Variants in IGSF10 observed in about 807,000 individuals in gnomAD.
IGSF10 encodes calvaria mechanical force protein 608.
A neutral mutation model predicts 128.2 loss-of-function variants in IGSF10; 126 were observed. The ratio of observed to expected loss-of-function variants is 0.98; its 90% CI spans 0.85 to 1.14. The LOEUF is 1.14. IGSF10 is among the 50% of genes most tolerant of loss of function. The pLI is 0.00. For missense variants in IGSF10, 3,295 were observed against 3,149.8 expected, an observed-to-expected ratio of 1.05 and a Z score of -1.10; for synonymous variants, 1,185 against 1,146.2, an observed-to-expected ratio of 1.03 and a Z score of -0.68.
rs41401648 is a variant in IGSF10, at chr3:151,437,595, G to A, written c.6966C>T (p.Ser2322=). Residue 2322 remains serine, a synonymous_variant, in exon 8 of 8, where the codon AGC becomes AGT. Transcript: ENST00000282466. ...GTACTTCTAACTGTACTACCAACAC[G>A]CTCTCTCCACCTTCATTTCGGGCCA... is the stretch of plus-strand genomic sequence containing the variant. ...ICVARNEGGE[S]VLVVQLEVLE... 7.0e-3 allele frequency: 11,356 copies of A among 1,613,992 alleles called. 437 individuals carry two copies. The African/African-American group carries it at 0.095, about 14-fold the overall frequency.
chr3:151,556,595 A>G, the IGSF10 span, among the ~76,000 whole-genome samples: 5 of 152,154 alleles, frequency 3.3e-5, no homozygotes, highest in South Asian at 2.1e-4. Context: ...GAAGAGAGAG[A>G]GAGAGAAAGG....
the IGSF10 span, among the ~76,000 whole-genome samples, chr3:151,525,935 C>T: frequency 2.8e-4 from 42 of 152,168 alleles, no homozygotes; most frequent in African/African-American, 9.2e-4. Context: ...AGTCAATTCT[C>T]ACCCACACTC....
the IGSF10 span, among the ~76,000 whole-genome samples, chr3:151,533,840 A>G: frequency 6.6e-6 from 1 of 152,242 alleles, no homozygotes; most frequent in East Asian, 1.9e-4. Flanking sequence ...TTCACAGCAA[A>G]AGAAGCTATC....
the IGSF10 span, among the ~76,000 whole-genome samples, chr3:151,567,218 G>T: frequency 6.6e-6 from 1 of 152,144 alleles, no homozygotes; most frequent in Non-Finnish European, 1.5e-5. Context: ...TGGTTCCCTG[G>T]ATCTCAGCTC....
the IGSF10 span, among the ~76,000 whole-genome samples, chr3:151,496,556 G>GTATATGTGCCACA: frequency 2.9e-5 from 1 of 34,938 alleles, no homozygotes; most frequent in South Asian, 9.6e-4. Context: ...GTATTCCATG[G>GTATATGTGCCACA]TTTCCTTAAT....
At chr3:151,458,445 G>T (rs1469653581) in intron 3 of IGSF10, 71 bp downstream of exon 3, 1 of 1,081,530 alleles carries the variant, frequency 9.2e-7, no homozygotes, top group African/African-American at 1.6e-5. Context: ...CAAAGTCATA[G>T]ATGTTTGAGG....
chr3:151,458,457 A>C, intron 3 of IGSF10, 59 bp downstream of exon 3: 2 of 1,257,968 alleles, frequency 1.6e-6, no homozygotes, highest in South Asian at 1.6e-5. Context: ...TGTTTGAGGG[A>C]CAAGTCACTG....
At chr3:151,435,924 T>A (rs1045159365), downstream of IGSF10, 1 of 152,096 alleles carries the variant, frequency 6.6e-6, no homozygotes, top group African/African-American at 2.4e-5. Flanking sequence ...CTCAGAAAAA[T>A]TTCCTTATAA....
At chr3:151,529,214 T>C in the IGSF10 span, among the ~76,000 whole-genome samples, 29 of 152,162 alleles carry the variant, frequency 1.9e-4, no homozygotes, top group African/African-American at 6.8e-4. Flanking sequence ...ATTCAGGGAC[T>C]TGTAGATAAA....
At position 151,453,378 on chromosome 3, in the gene IGSF10, A is replaced by C. The variant is rs1002170949; in HGVS notation, c.715+6T>G. The C allele has an allele frequency of 3.2e-6, 5 of 1,568,592 alleles. No homozygotes were observed. The highest frequency in any genetic ancestry group is 4.3e-6 in the Non-Finnish European group (5 of 1,164,012). ...ATTGGGACAAAAAAATAAACAATAT[A>C]GATACCTGGCTTCTCCTGTATCCAG... On this transcript the variant is annotated splice_donor_region_variant and intron_variant, in intron 5 of 7. Transcript: ENST00000282466.
At chr3:151,498,471 G>A in the IGSF10 span, among the ~76,000 whole-genome samples, 10 of 152,088 alleles carry the variant, frequency 6.6e-5, no homozygotes, top group Non-Finnish European at 1.0e-4. Context: ...CCATGATCAA[G>A]TGGGCTTCAT....
At chr3:151,579,491 C>A in the IGSF10 span, among the ~76,000 whole-genome samples, 1 of 151,404 alleles carries the variant, frequency 6.6e-6, no homozygotes, top group South Asian at 2.1e-4. Context: ...GGATTTTTGT[C>A]AGAGAAATGG....
chr3:151,593,726 T>G, the IGSF10 span, among the ~76,000 whole-genome samples: 1 of 152,114 alleles, frequency 6.6e-6, no homozygotes, highest in Admixed American at 6.5e-5. Context: ...GAAAAAGATT[T>G]TGAAATGTTG....
At chr3:151,573,795 T>G in the IGSF10 span, among the ~76,000 whole-genome samples, 1 of 152,184 alleles carries the variant, frequency 6.6e-6, no homozygotes, top group Admixed American at 6.5e-5. Context: ...TTATTTTGCC[T>G]GTTAGTTGAT....
the IGSF10 span, chr3:151,565,819 G>A: frequency 2.6e-5 from 4 of 151,996 alleles, no homozygotes; most frequent in Admixed American, 6.6e-5. Flanking sequence ...AGATAGATAC[G>A]AGAGTGATAG....
At chr3:151,486,080 T>C in the IGSF10 span, among the ~76,000 whole-genome samples, 20 of 152,246 alleles carry the variant, frequency 1.3e-4, 1 homozygote, top group Admixed American at 1.2e-3. Flanking sequence ...GACTCACACA[T>C]AGGCTCAAAC....
upstream of IGSF10, among the ~76,000 whole-genome samples, chr3:151,463,523 G>GTTTTTTTTTTTTGTTTTTTTTTTT (rs1553837067): frequency 2.2e-4 from 7 of 31,270 alleles, 3 homozygotes; most frequent in African/African-American, 4.9e-4. Context: ...ACATTTTCTG[G>GTTTTTTTTTTTTGTTTTTTTTTTT]TTTTTTTTTT....
Position 151,437,278 on chromosome 3 carries a change from A to G in IGSF10, c.7283T>C (p.Ile2428Thr), listed in dbSNP as rs1560168986. ...GGTAAGAATAACTGGCTTCTGGCCA[A>G]TTTCTAATATGACTAATTTCTCAAT... ...GYIEKLVILE[I>T]GQKPVILTYA... Residue 2428 changes from isoleucine (I) to threonine (T), a missense_variant, in exon 8 of 8, where the codon ATT becomes ACT. By Grantham distance (89) the Ile-to-Thr change is moderately conservative (BLOSUM62 -1). Transcript: ENST00000282466. The G allele has an allele frequency of 6.2e-7, 1 of 1,614,160 alleles. No individual in the cohort carries two copies. The highest frequency in any genetic ancestry group is 2.2e-5 in the East Asian group (1 of 44,876).
At chr3:151,606,802 A>ATAC in the IGSF10 span, among the ~76,000 whole-genome samples, 11 of 152,284 alleles carry the variant, frequency 7.2e-5, no homozygotes, top group African/African-American at 2.6e-4. Context: ...GATCTGCAAG[A>ATAC]TACTACTGAT....
Sources: gnomAD v4.1 joint callset for allele counts (sites outside exome capture counted in the v4.1 genomes callset) on GRCh38, gnomAD v4.1.1 for gene constraint, MANE v1.5 for transcripts, NCBI Gene and HGNC (gene_info 2026-07-23, HGNC 2026-07-21) for gene names.